Variants in TEAD1 observed in about 807,000 individuals in gnomAD.
TEAD1 encodes TEA domain transcription factor 1, also known as transcriptional enhancer factor TEF-1.
A neutral mutation model predicts 54.9 loss-of-function variants in TEAD1; 9 were observed. That is an observed-to-expected ratio of 0.16 (90% CI 0.10 to 0.29). The LOEUF (loss-of-function observed/expected upper bound fraction) is 0.29, where lower values mean the gene tolerates loss of function less well. Among genes scored for constraint, TEAD1 ranks in the 10% least tolerant of loss-of-function variants. TEAD1 has a pLI of 1.00. For synonymous variants in TEAD1, 200 were observed against 187.8 expected, an observed-to-expected ratio of 1.07 and a Z score of -0.53; for missense variants, 387 against 535.9, an observed-to-expected ratio of 0.72 and a Z score of 2.74.
chr11:12,839,008 A>G (rs1313456875), intron 3 of TEAD1, among the ~76,000 whole-genome samples: 1 of 152,224 alleles, frequency 6.6e-6, no homozygotes, highest in Non-Finnish European at 1.5e-5. Flanking sequence ...GTCACCACAC[A>G]AGCAAGTTAG....
chr11:12,737,899 T>C (rs1944569539), intron 2 of TEAD1, among the ~76,000 whole-genome samples: 1 of 152,178 alleles, frequency 6.6e-6, no homozygotes, highest in Admixed American at 6.5e-5. Flanking sequence ...TTTAATGGAC[T>C]CACAGTTCCA....
At chr11:12,698,165 G>C (rs542184527) in intron 2 of TEAD1, among the ~76,000 whole-genome samples, 1 of 152,236 alleles carries the variant, frequency 6.6e-6, no homozygotes, top group East Asian at 1.9e-4. Context: ...TTTTCAGTCG[G>C]GTAACTCTTT....
At chr11:12,737,646 G>T (rs1944564378) in intron 2 of TEAD1, among the ~76,000 whole-genome samples, 1 of 152,202 alleles carries the variant, frequency 6.6e-6, no homozygotes, top group African/African-American at 2.4e-5. Context: ...AAGTCTGGAT[G>T]TGCCTAGCTT....
intron 2 of TEAD1, among the ~76,000 whole-genome samples, chr11:12,732,358 G>T (rs1312558787): frequency 6.6e-6 from 1 of 152,154 alleles, no homozygotes. Flanking sequence ...TTAAAAACTA[G>T]TTCCTACTTC....
chr11:12,716,464 TA>T (rs1409771314), intron 2 of TEAD1, among the ~76,000 whole-genome samples: 2 of 152,196 alleles, frequency 1.3e-5, no homozygotes, highest in African/African-American at 4.8e-5. Flanking sequence ...TAATCCTTTT[TA>T]TTTTCCCCCC....
At chr11:12,759,801 G>A (rs892100443) in intron 2 of TEAD1, among the ~76,000 whole-genome samples, 1 of 152,212 alleles carries the variant, frequency 6.6e-6, no homozygotes, top group African/African-American at 2.4e-5. Context: ...GGAGGAGGTT[G>A]CAGTGAGCTG....
At chr11:12,883,614 G>A (rs368519743) in intron 9 of TEAD1, among the ~76,000 whole-genome samples, 3 of 152,068 alleles carry the variant, frequency 2.0e-5, no homozygotes, top group Admixed American at 2.0e-4. Context: ...ATTCAAGCTC[G>A]GGTCCTGAAA....
intron 10 of TEAD1, among the ~76,000 whole-genome samples, chr11:12,923,593 T>C (rs1028683919): frequency 1.3e-5 from 2 of 152,204 alleles, no homozygotes; most frequent in Admixed American, 1.3e-4. Context: ...TATTACTCTG[T>C]GGCTGTCTTT....
intron 5 of TEAD1, among the ~76,000 whole-genome samples, chr11:12,874,331 T>C (rs560111942): frequency 2.0e-5 from 3 of 152,306 alleles, no homozygotes; most frequent in Non-Finnish European, 4.4e-5. Context: ...TCCAGACTGA[T>C]CCGTGAGATG....
intron 3 of TEAD1, among the ~76,000 whole-genome samples, chr11:12,797,714 T>C (rs1317820943): frequency 1.3e-5 from 2 of 152,160 alleles, no homozygotes; most frequent in African/African-American, 4.8e-5. Context: ...CCATTTCTCT[T>C]CCAAATGGTT....
intron 3 of TEAD1, among the ~76,000 whole-genome samples, chr11:12,789,814 G>A (rs57495325): frequency 0.035 from 5,265 of 152,292 alleles, 328 homozygotes; most frequent in African/African-American, 0.12. Flanking sequence ...GCATTGCTCC[G>A]AGTTGGGCCT....
chr11:12,803,618 G>T (rs767062322), intron 3 of TEAD1, among the ~76,000 whole-genome samples: 1 of 152,308 alleles, frequency 6.6e-6, no homozygotes, highest in Admixed American at 6.5e-5. Flanking sequence ...GTGGCTCTCC[G>T]TGCTGGGACG....
chr11:12,793,463 T>A (rs1945848597), intron 3 of TEAD1, among the ~76,000 whole-genome samples: 1 of 152,234 alleles, frequency 6.6e-6, no homozygotes, highest in Admixed American at 6.5e-5. Context: ...TTGATTTTTA[T>A]TTCTGGTAAC....
chr11:12,795,418 G>A (rs1590159337), intron 3 of TEAD1, among the ~76,000 whole-genome samples: 2 of 152,136 alleles, frequency 1.3e-5, no homozygotes, highest in Admixed American at 1.3e-4. Flanking sequence ...TCTTTTTGGG[G>A]CATGCAATTC....
intron 2 of TEAD1, among the ~76,000 whole-genome samples, chr11:12,699,477 C>A (rs1943650785): frequency 6.6e-6 from 1 of 152,018 alleles, no homozygotes; most frequent in Non-Finnish European, 1.5e-5. Flanking sequence ...TTATATACAC[C>A]AATAGTACTT....
intron 3 of TEAD1, among the ~76,000 whole-genome samples, chr11:12,815,189 G>T (rs564312717): frequency 1.3e-5 from 2 of 152,258 alleles, no homozygotes; most frequent in South Asian, 4.1e-4. Context: ...CAGAAACTGT[G>T]TTTATCTCCC....
chr11:12,750,149 T>G (rs958770381), intron 2 of TEAD1, among the ~76,000 whole-genome samples: 2 of 152,200 alleles, frequency 1.3e-5, no homozygotes, highest in African/African-American at 2.4e-5. Flanking sequence ...CGTGTCGGCA[T>G]TAGTTGGTGT....
chr11:12,769,258 C>T (rs1213462280), intron 3 of TEAD1, among the ~76,000 whole-genome samples: 1 of 152,060 alleles, frequency 6.6e-6, no homozygotes, highest in South Asian at 2.1e-4. Flanking sequence ...AGTCAGTCCT[C>T]CCCCGCTGCT....
chr11:12,693,238 G>A (rs936393029), intron 2 of TEAD1, among the ~76,000 whole-genome samples: 5 of 152,246 alleles, frequency 3.3e-5, no homozygotes, highest in African/African-American at 9.6e-5. Flanking sequence ...GTGTGTGCAT[G>A]CGCACAGTAA....
Sources: gnomAD v4.1 joint callset for allele counts (sites outside exome capture counted in the v4.1 genomes callset) on GRCh38, gnomAD v4.1.1 for gene constraint, MANE v1.5 for transcripts, NCBI Gene and HGNC (gene_info 2026-07-23, HGNC 2026-07-21) for gene names.